SS18: variants seen among roughly 807,000 people sequenced by gnomAD.
The protein encoded by SS18 is protein SSXT.
In SS18, 28 loss-of-function variants were observed where a neutral mutation model predicts 72.5. That is an observed-to-expected ratio of 0.39 (90% CI 0.29 to 0.53). The LOEUF is 0.53. SS18 is among the 20% of genes least tolerant of loss of function. SS18 has a pLI of 0.76. For synonymous variants in SS18, 172 were observed against 164.2 expected, an observed-to-expected ratio of 1.05 and a Z score of -0.37; for missense variants, 518 against 535.3, an observed-to-expected ratio of 0.97 and a Z score of 0.32.
intron 1 of SS18, among the ~76,000 whole-genome samples, chr18:26,089,316 T>G (rs2054672635): frequency 6.6e-6 from 1 of 151,846 alleles, no homozygotes; most frequent in Non-Finnish European, 1.5e-5. Flanking sequence ...CTTGGAGCTG[T>G]TTGCCAGGCT....
intron 3 of SS18, among the ~76,000 whole-genome samples, chr18:26,063,841 C>A (rs1379000448): frequency 4.0e-5 from 6 of 151,850 alleles, no homozygotes; most frequent in African/African-American, 1.5e-4. Flanking sequence ...GAAAATTAAG[C>A]CAAAAGCTGG....
intron 4 of SS18, among the ~76,000 whole-genome samples, chr18:26,055,942 A>C (rs759929013): frequency 1.3e-5 from 2 of 151,972 alleles, no homozygotes; most frequent in Non-Finnish European, 2.9e-5. Flanking sequence ...TATTTTTAGT[A>C]GAGACGGGAT....
At chr18:26,086,721 C>T (rs1437407511) in intron 2 of SS18, among the ~76,000 whole-genome samples, 1 of 152,140 alleles carries the variant, frequency 6.6e-6, no homozygotes, top group African/African-American at 2.4e-5. Context: ...GAAAGTTTGG[C>T]CCTTATGAAT....
intron 4 of SS18, among the ~76,000 whole-genome samples, chr18:26,055,339 C>T (rs577115298): frequency 1.3e-5 from 2 of 151,708 alleles, no homozygotes; most frequent in South Asian, 2.1e-4. Flanking sequence ...TGGTGGTGTG[C>T]GCCTGTAATC....
At chr18:26,083,828 A>G (rs1188417673) in intron 2 of SS18, among the ~76,000 whole-genome samples, 2 of 152,200 alleles carry the variant, frequency 1.3e-5, no homozygotes, top group Admixed American at 6.5e-5. Context: ...TACTATCCAC[A>G]GTTAAACCAA....
rs959540570 is a variant in SS18, at chr18:26,087,538, C to T, written c.109G>A (p.Asp37Asn). ...DNNHLIQCIMDSQNKGKTSEC... is the reference protein window; with the variant it reads ...DNNHLIQCIMNSQNKGKTSEC... ...GAGGTCTTTCCTTTATTCTGAGAGT[C>T]CATTATACACTGAATAAGATGGTTA... The change falls in exon 2 of 11, where the codon GAC (aspartate) becomes AAC (asparagine). Residue 37 changes from aspartate to asparagine, a missense_variant. Transcript: ENST00000415083. 1.3e-6 allele frequency: 2 copies of T among 1,598,242 alleles called. No homozygotes were observed. The highest frequency in any genetic ancestry group is 1.7e-6 in the Non-Finnish European group (2 of 1,170,078).
At chr18:26,081,922 G>C (rs764022162) in intron 2 of SS18, among the ~76,000 whole-genome samples, 1 of 152,054 alleles carries the variant, frequency 6.6e-6, no homozygotes, top group African/African-American at 2.4e-5. Flanking sequence ...GCTGAGCATG[G>C]TGGCACGCAC....
intron 3 of SS18, among the ~76,000 whole-genome samples, chr18:26,075,501 G>A (rs902581013): frequency 2.0e-5 from 3 of 151,884 alleles, no homozygotes; most frequent in Non-Finnish European, 3.0e-5. Flanking sequence ...CTCATTCGAT[G>A]CAATAAAAGT....
intron 10 of SS18, among the ~76,000 whole-genome samples, chr18:26,019,468 G>A (rs1192451714): frequency 1.3e-5 from 2 of 152,068 alleles, no homozygotes; most frequent in Admixed American, 1.3e-4. Flanking sequence ...ACATGATAAT[G>A]TGTTGAATGT....
At chr18:26,054,237 C>CTGT (rs1598572829) in intron 4 of SS18, among the ~76,000 whole-genome samples, 1 of 152,112 alleles carries the variant, frequency 6.6e-6, no homozygotes, top group East Asian at 1.9e-4. Context: ...TTTCAATCCA[C>CTGT]TGTTGGTTAA....
Position 26,035,735 on chromosome 18 carries a change from C to A in SS18, c.973+96G>T. On this transcript the variant is annotated intron_variant, in intron 8 of 10. Transcript: ENST00000415083. This position sits in a 1 kb window ranked among gnomAD's most constrained non-coding sequence, Gnocchi z 4.4. The stretch of plus-strand genomic sequence containing the variant: ...AAGAAAGCCAGCAACTAGTATTCTA[C>A]AAGAGCTTTGCATGGGTAGAAGTTG... The A allele has an allele frequency of 1.3e-6, 1 of 740,858 alleles. No individual in the cohort carries two copies. The highest frequency in any genetic ancestry group is 2.1e-6 in the Non-Finnish European group (1 of 482,864). 45.9% of individuals were successfully genotyped at this position (740,858 alleles called of 1,614,324 possible).
At chr18:26,082,645 A>C (rs1402793747) in intron 2 of SS18, 1 of 383,548 alleles carries the variant, frequency 2.6e-6, no homozygotes, top group Non-Finnish European at 3.6e-6. Flanking sequence ...CAGAATTTAA[A>C]GGAAGATGGT....
chr18:26,068,576 G>A (rs556755764), intron 3 of SS18: 11 of 152,312 alleles, frequency 7.2e-5, no homozygotes, highest in African/African-American at 2.6e-4. Flanking sequence ...AGGAAACTCT[G>A]TAAGACCAAA....
intron 10 of SS18, among the ~76,000 whole-genome samples, chr18:26,028,059 A>C (rs1288225322): frequency 6.6e-6 from 1 of 152,160 alleles, no homozygotes; most frequent in Non-Finnish European, 1.5e-5. Context: ...CTGATTAAGG[A>C]CTTGTATCTA....
In SS18 at chr18:26,017,890, G is replaced by A. The variant is rs776339877; in HGVS notation, c.*464C>T. ...GAGGATTTCTGATGCTGTCCAGTGC[G>A]TAGTGTACCGCCTTGCATATTCACC... On this transcript the variant is annotated 3_prime_UTR_variant, in exon 11 of 11. Transcript: ENST00000415083. 3.4e-5 allele frequency: 8 copies of A among 233,720 alleles called. No homozygotes were observed. Among genetic ancestry groups the A allele is most frequent in the Admixed American group, 5.5e-5 (1 of 18,150 alleles). The allele number at this position is 233,720 out of a possible 1,614,324, so 14.5% of individuals were successfully genotyped here. A position where few individuals can be genotyped will look rare whatever the true frequency, so the allele number is the denominator to read the frequency against.
At chr18:26,090,618 G>T (rs369547897), upstream of SS18, 70 of 1,532,612 alleles carry the variant, frequency 4.6e-5, no homozygotes, top group African/African-American at 7.3e-4. Flanking sequence ...CCGGGTGAAC[G>T]GCAAACTGGG....
upstream of SS18, chr18:26,090,624 C>G (rs1356034345): frequency 2.0e-6 from 3 of 1,526,742 alleles, no homozygotes; most frequent in African/African-American, 1.4e-5. Flanking sequence ...GAACGGCAAA[C>G]TGGGGGAGAG....
At chr18:26,074,678 A>G (rs985159411) in intron 3 of SS18, among the ~76,000 whole-genome samples, 3 of 152,040 alleles carry the variant, frequency 2.0e-5, no homozygotes, top group African/African-American at 7.2e-5. Flanking sequence ...AAAAATTTAT[A>G]ATTTATATTA....
rs529695041 is a variant in SS18, at chr18:26,032,472, T to C, written c.1157A>G (p.Gln386Arg). Reference sequence around the variant, plus strand: ...CTGTGTTGGTCTATATCCTCCATACTGCTGACCTTGTCCCTGTGGGTAGTT... The same window carrying C: ...CTGTGTTGGTCTATATCCTCCATACCGCTGACCTTGTCCCTGTGGGTAGTT... ...YPNYPQGQGQQYGGYRPTQPG... is the reference protein window; with the variant it reads ...YPNYPQGQGQRYGGYRPTQPG... Residue 386 changes from glutamine to arginine, a missense_variant, in exon 10 of 11, where the codon CAG becomes CGG. By Grantham distance (43) the Gln-to-Arg change is conservative. Transcript: ENST00000415083. 1.9e-6 allele frequency: 3 copies of C among 1,613,948 alleles called. No individual in the cohort carries two copies. The South Asian group carries it at 3.3e-5, about 18-fold the overall frequency.
Sources: gnomAD v4.1 joint callset for allele counts (sites outside exome capture counted in the v4.1 genomes callset) on GRCh38, gnomAD v4.1.1 for gene constraint, Gnocchi (gnomAD v3.1) non-coding constraint, MANE v1.5 for transcripts, NCBI Gene and HGNC (gene_info 2026-07-23, HGNC 2026-07-21) for gene names.